Variants in DDX3X observed in about 807,000 individuals in gnomAD.
DDX3X encodes DEAD-box helicase 3 X-linked.
In DDX3X, 4 loss-of-function variants were observed where a neutral mutation model predicts 52.7. That is an observed-to-expected ratio of 0.08 (90% CI 0.04 to 0.17). DDX3X has a LOEUF of 0.17. DDX3X is among the 10% of genes least tolerant of loss of function. The pLI is 1.00. For synonymous variants in DDX3X, 192 were observed against 178.1 expected, an observed-to-expected ratio of 1.08 and a Z score of -0.62; for missense variants, 222 against 548.6, an observed-to-expected ratio of 0.40 and a Z score of 5.95.
At chrX:41,340,788 C>T (rs2063838849) in intron 3 of DDX3X, 1 of 296,411 alleles carries the variant, frequency 3.4e-6, no homozygotes, top group Non-Finnish European at 5.9e-6. Flanking sequence ...TAAATGAATA[C>T]CACCTCCAAG....
chrX:41,350,845 A>G (rs183586086), downstream of DDX3X: 1 of 111,954 alleles, frequency 8.9e-6, no homozygotes, highest in African/African-American at 3.2e-5. Context: ...GTGCTTGGTT[A>G]GATTGAGCCA....
At chrX:41,336,140 A>T (rs1379274557) in intron 1 of DDX3X, 6 of 112,288 alleles carry the variant, frequency 5.3e-5, no homozygotes, top group Admixed American at 1.9e-4. Context: ...TGAGCTTTAA[A>T]CACAAGATTT....
intron 1 of DDX3X, chrX:41,334,871 G>C: frequency 1.8e-6 from 1 of 565,488 alleles, no homozygotes; most frequent in Non-Finnish European, 2.3e-6. Flanking sequence ...CTCACCTCCG[G>C]GAGACGGCGG....
chrX:41,340,149 T>TC (rs2147346225), intron 3 of DDX3X: 1 of 111,525 alleles, frequency 9.0e-6, no homozygotes, highest in East Asian at 2.8e-4. Flanking sequence ...CCTCAAGTGA[T>TC]CCACCCGCCT....
chrX:41,362,083 CT>C (rs1176759189), intron 5 of DDX3X, among the ~76,000 whole-genome samples: 10,236 of 72,303 alleles, frequency 0.14, 468 homozygotes, highest in African/African-American at 0.25. Context: ...AAATAATTAA[CT>C]TTTTTTTTTT....
intron 1 of DDX3X, chrX:41,336,413 G>C (rs1482552502): frequency 1.8e-5 from 2 of 111,997 alleles, no homozygotes; most frequent in Non-Finnish European, 3.8e-5. Flanking sequence ...TACTCTTTAA[G>C]AGCATTGAAC....
At chrX:41,359,501 G>A (rs1264791919) in intron 5 of DDX3X, among the ~76,000 whole-genome samples, 1 of 106,820 alleles carries the variant, frequency 9.4e-6, no homozygotes, top group Non-Finnish European at 1.9e-5. Context: ...GGAGGCTGAG[G>A]CAGGAGAATT....
intron 5 of DDX3X, among the ~76,000 whole-genome samples, chrX:41,360,194 A>T (rs1282313828): frequency 6.6e-5 from 7 of 105,879 alleles, no homozygotes; most frequent in African/African-American, 2.4e-4. Flanking sequence ...CCTGGCCAAC[A>T]TGGTGAAACC....
chrX:41,334,077 G>A (rs192806976), upstream of DDX3X: 3 of 458,019 alleles, frequency 6.5e-6, no homozygotes, highest in African/African-American at 7.3e-5. Context: ...GAATTGCGGT[G>A]TGAGAGGGAG....
chrX:41,348,146 A>G lies in DDX3X; in HGVS notation c.*427A>G, dbSNP rs2063949188. 1 of 266,340 alleles carries G rather than the reference A, an allele frequency of 3.8e-6. No homozygotes were observed. The highest frequency in any genetic ancestry group is 6.6e-6 in the Non-Finnish European group (1 of 151,575). 21.9% of individuals were successfully genotyped at this position (266,340 alleles called of 1,213,427 possible). A position where few individuals can be genotyped will look rare whatever the true frequency, so the allele number is the denominator to read the frequency against. The stretch of plus-strand genomic sequence containing the variant: ...ACTTGGGCTAAAATCAAACCTTGGC[A>G]CACAGGTGTGATACAACTTAACAGG... On this transcript the variant is annotated 3_prime_UTR_variant, in exon 17 of 17. Coordinates refer to ENST00000644876, the MANE Select transcript of DDX3X (RefSeq NM_001356.5).
In DDX3X at chrX:41,337,396, A is replaced by T. The variant is rs1486172271; in HGVS notation, c.46-12A>T. 2.7e-5 allele frequency: 33 copies of T among 1,203,648 alleles called. No homozygotes were observed. The highest frequency in any genetic ancestry group is 3.6e-5 in the Non-Finnish European group (32 of 889,551). On this transcript the variant is annotated splice_polypyrimidine_tract_variant and intron_variant, in intron 1 of 16. Coordinates refer to ENST00000644876, the MANE Select transcript of DDX3X (RefSeq NM_001356.5). The stretch of plus-strand genomic sequence containing the variant: ...GAGCACATGGGGTGCTAACCATCTC[A>T]CTCTCTTCTAGTTTGCTGGCCTAGA...
intron 10 of DDX3X, among the ~76,000 whole-genome samples, chrX:41,344,940 T>C (rs1343743443): frequency 8.9e-6 from 1 of 111,843 alleles, no homozygotes; most frequent in Non-Finnish European, 1.9e-5. Flanking sequence ...AATGATCAGC[T>C]CGTGGGACAG....
chrX:41,347,080 A>G, intron 15 of DDX3X, 68 bp downstream of exon 15: 1 of 1,069,115 alleles, frequency 9.4e-7, no homozygotes, highest in Non-Finnish European at 1.3e-6. Flanking sequence ...TTTCCTCTGC[A>G]TGCATAACGT....
At chrX:41,338,122 T>TA (rs1029880199) in intron 2 of DDX3X, 1 of 110,848 alleles carries the variant, frequency 9.0e-6, no homozygotes, top group African/African-American at 3.3e-5. Context: ...TAAGGGGGGT[T>TA]ATTTAGAGAC....
chrX:41,346,414 T>C lies in DDX3X; in HGVS notation c.1497+4T>C. The C allele has an allele frequency of 8.3e-7, 1 of 1,204,516 alleles. No homozygotes were observed. The highest frequency in any genetic ancestry group is 1.8e-5 in the South Asian group (1 of 55,705). ...CCCAATTTTAGTGGCTACAGCAGTATGTATAAACATCTTTCTTTTATTCAA... is the reference window on the plus strand; with the variant it reads ...CCCAATTTTAGTGGCTACAGCAGTACGTATAAACATCTTTCTTTTATTCAA... On this transcript the variant is annotated splice_donor_region_variant and intron_variant, in intron 13 of 16. Transcript: ENST00000644876.
In DDX3X at chrX:41,349,250, C is replaced by T. The variant is rs975429362; in HGVS notation, c.*1531C>T. 1 of 112,299 alleles carries T rather than the reference C, an allele frequency of 8.9e-6. No homozygotes were observed. Among genetic ancestry groups the T allele is most frequent in the Non-Finnish European group, 1.9e-5 (1 of 53,241 alleles). The allele number at this position is 112,299 out of a possible 1,213,427, so 9.3% of individuals were successfully genotyped here. On this transcript the variant is annotated 3_prime_UTR_variant, in exon 17 of 17. Coordinates refer to ENST00000644876, the MANE Select transcript of DDX3X (RefSeq NM_001356.5). ...CTATTTCAATTAGTCTAGGTTTAGG[C>T]CCTTGTACATTTTGCCCATAACTTT...
intron 4 of DDX3X, 90 bp from the exon 5 acceptor site, chrX:41,342,405 C>CT: frequency 1.1e-5 from 11 of 1,030,190 alleles, no homozygotes; most frequent in Non-Finnish European, 1.5e-5. Context: ...TTAGCCATAA[C>CT]TTAAGTCTCC....
rs1486172271 is a variant in DDX3X, at chrX:41,337,396, A to G, written c.46-12A>G. ...GAGCACATGGGGTGCTAACCATCTC[A>G]CTCTCTTCTAGTTTGCTGGCCTAGA... On this transcript the variant is annotated splice_polypyrimidine_tract_variant and intron_variant, in intron 1 of 16. Transcript: ENST00000644876. The G allele has an allele frequency of 2.1e-5, 25 of 1,201,969 alleles. No individual in the cohort carries two copies. The highest frequency in any genetic ancestry group is 2.8e-5 in the Non-Finnish European group (25 of 889,325).
At position 41,346,380 on chromosome X, in the gene DDX3X, A is replaced by G. The variant is rs749605042; in HGVS notation, c.1467A>G (p.Ser489=). 1 of 1,210,900 alleles carries G rather than the reference A, an allele frequency of 8.3e-7. No homozygotes were observed. The highest frequency in any genetic ancestry group is 1.7e-5 in the African/African-American group (1 of 57,826). Residue 489 remains serine (S), a synonymous_variant, in exon 13 of 17, where the codon TCA becomes TCG. Transcript: ENST00000644876. ...AAGAGGCCCTTCACCAGTTCCGCTC[A>G]GGAAAAAGCCCAATTTTAGTGGCTA... ...DREEALHQFR[S]GKSPILVATA...
Sources: gnomAD v4.1 joint callset for allele counts (sites outside exome capture counted in the v4.1 genomes callset) on GRCh38, gnomAD v4.1.1 for gene constraint, MANE v1.5 for transcripts, NCBI Gene and HGNC (gene_info 2026-07-23, HGNC 2026-07-21) for gene names.